The following SBF2 variants were observed in gnomAD, a reference collection of about 807,000 sequenced individuals.
The protein encoded by SBF2 is myotubularin-related protein 13.
Under a neutral mutation model 225.2 loss-of-function variants are expected in SBF2, and 112 were observed. The ratio of observed to expected loss-of-function variants is 0.50; its 90% CI spans 0.43 to 0.58. SBF2 has a LOEUF of 0.58. SBF2 is among the 20% of genes least tolerant of loss of function. SBF2 has a pLI of 0.00. For missense variants in SBF2, 1,996 were observed against 2,206.2 expected (o/e 0.90, Z 1.91); for synonymous variants, 763 against 773.3 (o/e 0.99, Z 0.22).
At position 9,930,580 on chromosome 11, in the gene SBF2, T is replaced by C. The variant is rs188405376; in HGVS notation, c.1860+31377A>G. On this transcript the variant is annotated intron_variant, in intron 16 of 39. Transcript: ENST00000256190. ...TTCATTATTTTGATTGTTGTGATAG[T>C]TTCAAAGGTGTCTATACATGTTAAA... Among the ~76,000 whole-genome samples the C allele has an allele frequency of 5.9e-5, 9 of 152,276 alleles. No individual in the cohort carries two copies. In the East Asian group the frequency reaches 1.7e-3, roughly 29 times the overall value.
intron 19 of SBF2, among the ~76,000 whole-genome samples, chr11:9,855,100 T>C (rs2133996779): frequency 6.6e-6 from 1 of 152,166 alleles, no homozygotes; most frequent in South Asian, 2.1e-4. Context: ...CTTTTGGCAG[T>C]AGAAAGAAGA....
intron 14 of SBF2, among the ~76,000 whole-genome samples, chr11:9,965,533 C>T (rs1160563164): frequency 3.9e-5 from 6 of 152,102 alleles, no homozygotes; most frequent in Non-Finnish European, 5.9e-5. Context: ...GGTGATACGC[C>T]GACCTCGGCC....
At chr11:9,916,563 GC>G (rs1863110105) in intron 16 of SBF2, among the ~76,000 whole-genome samples, 1 of 151,264 alleles carries the variant, frequency 6.6e-6, no homozygotes. Flanking sequence ...GAAACAATGT[GC>G]AAGTCCTGAA....
At chr11:10,124,013 T>C (rs112870383) in intron 2 of SBF2, among the ~76,000 whole-genome samples, 3 of 152,240 alleles carry the variant, frequency 2.0e-5, no homozygotes, top group Non-Finnish European at 4.4e-5. Flanking sequence ...TAGTTAGTTA[T>C]AGAAACATTT....
intron 6 of SBF2, among the ~76,000 whole-genome samples, chr11:10,026,119 T>G (rs780075170): frequency 4.9e-4 from 74 of 151,906 alleles, no homozygotes; most frequent in Non-Finnish European, 9.7e-4. Flanking sequence ...GCAGGATGTT[T>G]AATATCCCTG....
chr11:9,807,827 T>A (rs147386513), intron 32 of SBF2, 173 bp downstream of exon 32: 1 of 676,854 alleles, frequency 1.5e-6, no homozygotes, highest in East Asian at 2.7e-5. Context: ...CCAACTAATT[T>A]TTTTTCTTTT....
chr11:10,215,399 C>T (rs1484862530), intron 1 of SBF2, among the ~76,000 whole-genome samples: 1 of 152,184 alleles, frequency 6.6e-6, no homozygotes, highest in African/African-American at 2.4e-5. Context: ...ATCAATAATG[C>T]AGTTCCCTGA....
At chr11:10,173,645 G>C (rs892853969) in intron 2 of SBF2, among the ~76,000 whole-genome samples, 61 of 152,290 alleles carry the variant, frequency 4.0e-4, no homozygotes, top group African/African-American at 1.4e-3. Flanking sequence ...AGCTCGAACT[G>C]GGTGGAGCCC....
intron 1 of SBF2, among the ~76,000 whole-genome samples, chr11:10,250,968 T>A (rs983498619): frequency 2.0e-5 from 3 of 152,232 alleles, no homozygotes; most frequent in Admixed American, 6.5e-5. Flanking sequence ...CCTAGGATCA[T>A]GGATCAAGAC....
intron 1 of SBF2, among the ~76,000 whole-genome samples, chr11:10,245,928 T>C (rs114900138): frequency 1.3e-5 from 2 of 152,128 alleles, no homozygotes; most frequent in Non-Finnish European, 1.5e-5. Context: ...GAATCTATAA[T>C]AGCCAAACTC....
chr11:10,245,986 C>A (rs114443718), intron 1 of SBF2, among the ~76,000 whole-genome samples: 1 of 152,030 alleles, frequency 6.6e-6, no homozygotes, highest in South Asian at 2.1e-4. Flanking sequence ...GGGTGGAGAA[C>A]TGGGGAGGTA....
chr11:10,303,601 G>C lies in SBF2; in HGVS notation n.386+891C>G, dbSNP rs1964619968. ...GTCTGCTGGGGACCGGCTCTAAGAT[G>C]GGGACTCGAGAGATGGGACATGACT... On this transcript the variant is annotated intron_variant and non_coding_transcript_variant, in intron 1 of 5. Transcript: ENST00000685217. The surrounding 1 kb of genome is among the most constrained non-coding windows in gnomAD (Gnocchi z 5.2). 1 of 152,336 alleles carries C rather than the reference G, an allele frequency of 6.6e-6. No individual in the cohort carries two copies. Among genetic ancestry groups the C allele is most frequent in the African/African-American group, 2.4e-5 (1 of 41,456 alleles). 9.4% of individuals were successfully genotyped at this position (152,336 alleles called of 1,614,324 possible). A position where few individuals can be genotyped will look rare whatever the true frequency, so the allele number is the denominator to read the frequency against.
intron 2 of SBF2, among the ~76,000 whole-genome samples, chr11:10,104,995 TA>T (rs1465161305): frequency 6.6e-6 from 1 of 152,274 alleles, no homozygotes; most frequent in Non-Finnish European, 1.5e-5. Flanking sequence ...AAATTGCTAA[TA>T]TTTTGTTAAG....
intron 2 of SBF2, among the ~76,000 whole-genome samples, chr11:10,105,886 A>G (rs1227877175): frequency 6.6e-6 from 1 of 152,236 alleles, no homozygotes; most frequent in Non-Finnish European, 1.5e-5. Context: ...TGACAGAGGG[A>G]GGTGCATGGA....
At chr11:10,155,300 A>C (rs1591083190) in intron 2 of SBF2, among the ~76,000 whole-genome samples, 2 of 152,176 alleles carry the variant, frequency 1.3e-5, no homozygotes, top group African/African-American at 2.4e-5. Context: ...GAGAAATATA[A>C]ATTTCATGTT....
At chr11:9,915,564 G>A (rs1271179476) in intron 16 of SBF2, 1 of 151,432 alleles carries the variant, frequency 6.6e-6, no homozygotes, top group Non-Finnish European at 1.5e-5. Context: ...AGTTTACATA[G>A]TTTCAAAGTT....
At chr11:10,208,764 A>G (rs772606402) in intron 1 of SBF2, among the ~76,000 whole-genome samples, 10 of 152,288 alleles carry the variant, frequency 6.6e-5, no homozygotes, top group South Asian at 4.2e-4. Context: ...TCTTGGAACC[A>G]GCTTTAAAAA....
intron 16 of SBF2, among the ~76,000 whole-genome samples, chr11:9,938,154 G>A (rs923451030): frequency 3.3e-5 from 5 of 152,048 alleles, no homozygotes; most frequent in Non-Finnish European, 5.9e-5. Context: ...AGCCGGGCGT[G>A]GTGGCGGGCG....
rs184793661 is a variant in SBF2, at chr11:9,900,840, G to A, written c.1861-4829C>T. Among the ~76,000 whole-genome samples, 4 of 152,192 alleles carry A rather than the reference G, an allele frequency of 2.6e-5. No homozygotes were observed. The East Asian group carries it at 7.7e-4, about 29-fold the overall frequency. On this transcript the variant is annotated intron_variant, in intron 16 of 39. Coordinates refer to ENST00000256190, the MANE Select transcript of SBF2 (RefSeq NM_030962.4). ...CAGCCCTGAACTCCTGGGCTCAAGC[G>A]ATCCTCCTGCCTCAGCCTTCCAAGT...
Sources: allele counts gnomAD v4.1 joint callset (sites outside exome capture counted in the v4.1 genomes callset), GRCh38; gene constraint gnomAD v4.1.1; non-coding constraint Gnocchi (gnomAD v3.1); transcripts MANE v1.5; gene names NCBI Gene and HGNC (gene_info 2026-07-23, HGNC 2026-07-21).